Variants in RFX2 observed in about 807,000 individuals in gnomAD.
RFX2 encodes regulatory factor X2.
A neutral mutation model predicts 87.8 loss-of-function variants in RFX2; 20 were observed. The ratio of observed to expected loss-of-function variants is 0.23; its 90% CI spans 0.16 to 0.33. RFX2 has a LOEUF of 0.33. RFX2 is among the 10% of genes least tolerant of loss of function. The pLI is 1.00. For missense variants in RFX2, 767 were observed against 1,012.3 expected (o/e 0.76, Z 3.29); for synonymous variants, 397 against 431.3 (o/e 0.92, Z 0.98).
At chr19:6,005,013 G>A (rs1362183240) in intron 12 of RFX2, among the ~76,000 whole-genome samples, 1 of 152,078 alleles carries the variant, frequency 6.6e-6, no homozygotes, top group Non-Finnish European at 1.5e-5. Context: ...CAGCTATTTG[G>A]GAGGCTGAGG....
intron 1 of RFX2, among the ~76,000 whole-genome samples, chr19:6,108,387 T>TA (rs1200054747): frequency 2.0e-5 from 3 of 151,986 alleles, no homozygotes. Context: ...GGACGGGAGG[T>TA]AAGGATCTTT....
Position 6,056,952 on chromosome 19 carries a change from C to G in RFX2, c.-8-9448G>C, listed in dbSNP as rs1389512951. Among the ~76,000 whole-genome samples the G allele has an allele frequency of 2.0e-5, 3 of 152,176 alleles. No individual in the cohort carries two copies. Among genetic ancestry groups the G allele is most frequent in the African/African-American group, 7.2e-5 (3 of 41,438 alleles). On this transcript the variant is annotated intron_variant, in intron 1 of 17. Transcript: ENST00000303657. The surrounding 1 kb of genome is among the most constrained non-coding windows in gnomAD (Gnocchi z 4.6). The stretch of plus-strand genomic sequence containing the variant: ...GGCTTGGCTGGCCCAAAGCTCCCTC[C>G]CTCGTGCCTCAGAAATATGCCCGGA...
At chr19:6,051,214 GAT>G (rs1263090465) in intron 1 of RFX2, among the ~76,000 whole-genome samples, 3 of 152,064 alleles carry the variant, frequency 2.0e-5, no homozygotes, top group African/African-American at 4.8e-5. Context: ...CACTTAAAAT[GAT>G]AAATACGCAG....
At position 5,994,599 on chromosome 19, in the gene RFX2, C is replaced by T. The variant is rs111868938; in HGVS notation, c.*236G>A. 33 of 554,744 alleles carry T rather than the reference C, an allele frequency of 5.9e-5. No individual in the cohort carries two copies. The highest frequency in any genetic ancestry group is 4.7e-4 in the African/African-American group (25 of 53,064). 34.4% of individuals were successfully genotyped at this position (554,744 alleles called of 1,614,324 possible). A position where few individuals can be genotyped will look rare whatever the true frequency, so the allele number is the denominator to read the frequency against. ...TGGTCTGGTGGGGCCCTGGTGGCTG[C>T]GCAGGGACCTGGGGACCCAGAGCAC... On this transcript the variant is annotated 3_prime_UTR_variant, in exon 18 of 18. Transcript: ENST00000303657.
rs74747202 is a variant in RFX2, at chr19:6,051,860, A to G, written c.-8-4356T>C. Among the ~76,000 whole-genome samples, 435 of 152,200 alleles carry G rather than the reference A, an allele frequency of 2.9e-3. 2 individuals are homozygous for G. The highest frequency in any genetic ancestry group is 9.8e-3 in the African/African-American group (405 of 41,536). ...AGAATAAAAAGAGATCCACTGTGCA[A>G]ACTCTGATCTTTTATTTTTATTTAT... On this transcript the variant is annotated intron_variant, in intron 1 of 17. Coordinates refer to ENST00000303657, the MANE Select transcript of RFX2 (RefSeq NM_000635.4).
Position 6,007,213 on chromosome 19 carries a change from GCTCA to G in RFX2, c.1248-51_1248-48del. On this transcript the variant is annotated intron_variant, in intron 11 of 17. Coordinates refer to ENST00000303657, the MANE Select transcript of RFX2 (RefSeq NM_000635.4). This position sits in a 1 kb window ranked among gnomAD's most constrained non-coding sequence, Gnocchi z 8.2. Reference sequence around the variant, plus strand: ...GTGAGCTGTGGCCTGGCCCAGGTGGGCTCACTCAGCCACGGGAGCGAGCAGAGAG... The same window carrying G: ...GTGAGCTGTGGCCTGGCCCAGGTGGGCTCAGCCACGGGAGCGAGCAGAGAG... 1 of 1,587,644 alleles carries G rather than the reference GCTCA, an allele frequency of 6.3e-7. No individual in the cohort carries two copies. Among genetic ancestry groups the G allele is most frequent in the Non-Finnish European group, 8.6e-7 (1 of 1,162,466 alleles).
At chr19:6,065,757 G>C (rs2087500772) in intron 1 of RFX2, among the ~76,000 whole-genome samples, 2 of 152,094 alleles carry the variant, frequency 1.3e-5, no homozygotes, top group Admixed American at 1.3e-4. Context: ...GGGGCATTCA[G>C]CAACAAAGTG....
intron 1 of RFX2, among the ~76,000 whole-genome samples, chr19:6,106,246 T>C (rs2088215351): frequency 6.7e-6 from 1 of 149,500 alleles, no homozygotes; most frequent in South Asian, 2.1e-4. Flanking sequence ...CATCCATCCA[T>C]CCATCCATCC....
At position 6,023,718 on chromosome 19, in the gene RFX2, T is replaced by C. The variant is rs2086850673; in HGVS notation, c.597+2445A>G. Among the ~76,000 whole-genome samples, 1 of 152,184 alleles carries C rather than the reference T, an allele frequency of 6.6e-6. No individual in the cohort carries two copies. Among genetic ancestry groups the C allele is most frequent in the East Asian group, 1.9e-4 (1 of 5,186 alleles). On this transcript the variant is annotated intron_variant, in intron 6 of 17. Coordinates refer to ENST00000303657, the MANE Select transcript of RFX2 (RefSeq NM_000635.4). The surrounding 1 kb of genome is among the most constrained non-coding windows in gnomAD (Gnocchi z 4.9). ...AAAGTCTGCCTTTCGGATGAAGTGTTAGAAAGCAGGAAGGATCCCAGCAGC... is the reference window on the plus strand; with the variant it reads ...AAAGTCTGCCTTTCGGATGAAGTGTCAGAAAGCAGGAAGGATCCCAGCAGC...
intron 1 of RFX2, among the ~76,000 whole-genome samples, chr19:6,067,775 T>G (rs1215292559): frequency 1.3e-5 from 2 of 152,178 alleles, no homozygotes; most frequent in Non-Finnish European, 2.9e-5. Flanking sequence ...ATGAGCAACA[T>G]GTAGCTGCAG....
intron 5 of RFX2, among the ~76,000 whole-genome samples, chr19:6,028,994 G>T (rs935995232): frequency 6.6e-6 from 1 of 151,492 alleles, no homozygotes; most frequent in Non-Finnish European, 1.5e-5. Context: ...CAGAAGGATC[G>T]CTTGAATCCG....
rs2144727828 is a variant in RFX2 at position 6,023,196 on chromosome 19, C to G, written c.597+2967G>C. The G allele has an allele frequency of 6.5e-6, 1 of 152,754 alleles. No homozygotes were observed. The highest frequency in any genetic ancestry group is 2.1e-4 in the South Asian group (1 of 4,830). The allele number at this position is 152,754 out of a possible 1,614,324, so 9.5% of individuals were successfully genotyped here. On this transcript the variant is annotated intron_variant, in intron 6 of 17. Coordinates refer to ENST00000303657, the MANE Select transcript of RFX2 (RefSeq NM_000635.4). The surrounding 1 kb of genome is among the most constrained non-coding windows in gnomAD (Gnocchi z 4.9). ...TGCTGCTGGGGCGACCTGCCTGGGG[C>G]TGTCTGAGAAGGGAGGTCTGGGAGG...
intron 6 of RFX2, chr19:6,019,897 C>G (rs2086786462): frequency 6.6e-6 from 1 of 152,320 alleles, no homozygotes; most frequent in South Asian, 2.1e-4. Flanking sequence ...TCTGCAGGAT[C>G]CTGGAGATGT....
intron 1 of RFX2, among the ~76,000 whole-genome samples, chr19:6,075,994 T>C (rs2087685963): frequency 6.6e-6 from 1 of 152,150 alleles, no homozygotes; most frequent in Non-Finnish European, 1.5e-5. Context: ...AGCTCTGAAA[T>C]ACACAGCGTC....
At chr19:6,104,232 G>A (rs943794331) in intron 1 of RFX2, among the ~76,000 whole-genome samples, 5 of 151,944 alleles carry the variant, frequency 3.3e-5, no homozygotes, top group African/African-American at 1.2e-4. Context: ...ACTCAGAGAT[G>A]GCAATATGAA....
chr19:6,007,768 T>A lies in RFX2; in HGVS notation c.1169A>T (p.His390Leu). ...GGAGAGCCACAGCTTCTCGATGTAGTGGAACTGGAGGTTCATCACCACATC... is the reference window on the plus strand; with the variant it reads ...GGAGAGCCACAGCTTCTCGATGTAGAGGAACTGGAGGTTCATCACCACATC... ...TVDVVMNLQF[H>L]YIEKLWLSFW... is the part of the protein sequence containing the mutation. Residue 390 changes from histidine (H) to leucine (L), a missense_variant, in exon 11 of 18, where the codon CAC (histidine) becomes CTC (leucine). By Grantham distance (99) the His-to-Leu change is moderately conservative. This residue lies in a region of RFX2 where 621 missense variants were observed against 873.0 expected (regional missense o/e 0.71). Transcript: ENST00000303657. The surrounding 1 kb of genome is among the most constrained non-coding windows in gnomAD (Gnocchi z 8.2). 1 of 1,554,908 alleles carries A rather than the reference T, an allele frequency of 6.4e-7. No homozygotes were observed. The highest frequency in any genetic ancestry group is 8.7e-7 in the Non-Finnish European group (1 of 1,148,294).
chr19:6,092,394 T>A (rs1401735658), intron 1 of RFX2, among the ~76,000 whole-genome samples: 1 of 152,096 alleles, frequency 6.6e-6, no homozygotes, highest in African/African-American at 2.4e-5. Flanking sequence ...GCAGGCTGCA[T>A]GCTGGGCTGC....
intron 7 of RFX2, among the ~76,000 whole-genome samples, chr19:6,015,525 G>A (rs1437296650): frequency 6.6e-6 from 1 of 151,172 alleles, no homozygotes; most frequent in Non-Finnish European, 1.5e-5. Context: ...GTCTTGCTCT[G>A]TCACCCAGGC....
chr19:6,088,756 T>G (rs950269862), intron 1 of RFX2, among the ~76,000 whole-genome samples: 1 of 152,182 alleles, frequency 6.6e-6, no homozygotes, highest in Admixed American at 6.5e-5. Flanking sequence ...TAGTCACATA[T>G]AGCCAAGTAA....
Sources: allele counts gnomAD v4.1 joint callset (sites outside exome capture counted in the v4.1 genomes callset), GRCh38; gene constraint gnomAD v4.1.1; regional missense constraint gnomAD v4.1.1; non-coding constraint Gnocchi (gnomAD v3.1); transcripts MANE v1.5; gene names NCBI Gene and HGNC (gene_info 2026-07-23, HGNC 2026-07-21).